SULF1: variants seen among roughly 807,000 people sequenced by gnomAD.
The protein encoded by SULF1 is extracellular sulfatase Sulf-1.
A neutral mutation model predicts 110.5 loss-of-function variants in SULF1; 46 were observed. The ratio of observed to expected loss-of-function variants is 0.42; its 90% confidence interval spans 0.33 to 0.53. SULF1 has a LOEUF of 0.53. Ranked by LOEUF, SULF1 falls within the 20% of genes least tolerant of loss-of-function variation. The pLI is 0.12. For missense variants in SULF1, 941 were observed against 1,094.2 expected (o/e 0.86, Z 1.98); for synonymous variants, 371 against 387.1 (o/e 0.96, Z 0.49).
intron 3 of SULF1, among the ~76,000 whole-genome samples, chr8:69,549,304 T>G (rs527633964): frequency 6.6e-6 from 1 of 152,294 alleles, no homozygotes; most frequent in East Asian, 1.9e-4. Context: ...TATTTTATTT[T>G]TATTTGCTTG....
intron 21 of SULF1, among the ~76,000 whole-genome samples, 169 bp downstream of exon 21, chr8:69,639,027 G>C (rs1811264211): frequency 6.6e-6 from 1 of 152,160 alleles, no homozygotes; most frequent in African/African-American, 2.4e-5. Context: ...TTTAGCTCTG[G>C]TGTACTAATG....
chr8:69,475,196 T>C (rs1031919881), intron 1 of SULF1, among the ~76,000 whole-genome samples: 1 of 152,162 alleles, frequency 6.6e-6, no homozygotes, highest in African/African-American at 2.4e-5. Flanking sequence ...AAGCATTTCA[T>C]GTCATAGCTA....
intron 22 of SULF1, among the ~76,000 whole-genome samples, chr8:69,657,476 G>T (rs769204656): frequency 2.6e-5 from 4 of 152,196 alleles, no homozygotes; most frequent in Non-Finnish European, 4.4e-5. Context: ...TTATGCAAAA[G>T]ATTGACGTTC....
intron 3 of SULF1, among the ~76,000 whole-genome samples, chr8:69,512,000 A>C (rs1425961564): frequency 6.6e-6 from 1 of 152,298 alleles, no homozygotes; most frequent in East Asian, 1.9e-4. Context: ...AAATTCCTAG[A>C]GAATGATGAA....
intron 5 of SULF1, among the ~76,000 whole-genome samples, chr8:69,568,195 C>T (rs1214420866): frequency 6.6e-6 from 1 of 152,114 alleles, no homozygotes; most frequent in Non-Finnish European, 1.5e-5. Context: ...GCTACTGTGC[C>T]TCCAAAAAGA....
intron 12 of SULF1, 148 bp from the exon 13 acceptor site, chr8:69,604,655 A>G (rs1808080635): frequency 1.1e-6 from 1 of 917,164 alleles, no homozygotes; most frequent in African/African-American, 1.7e-5. Context: ...CAAATGTTGA[A>G]CTCCTGTAGA....
At chr8:69,627,120 T>A (rs1038128422) in intron 15 of SULF1, 90 bp from the exon 16 acceptor site, 21 of 978,708 alleles carry the variant, frequency 2.1e-5, no homozygotes, top group Non-Finnish European at 3.3e-5. Flanking sequence ...CATTAAGGAT[T>A]TTGAGGATTA....
At chr8:69,579,564 C>CAAAAAAAAAAAA (rs1416643898) in intron 6 of SULF1, among the ~76,000 whole-genome samples, 1 of 105,096 alleles carries the variant, frequency 9.5e-6, no homozygotes, top group Non-Finnish European at 2.0e-5. Context: ...CACACACACA[C>CAAAAAAAAAAAA]AAAAAAAAAA....
chr8:69,627,566 G>A, intron 16 of SULF1, among the ~76,000 whole-genome samples: 1 of 152,182 alleles, frequency 6.6e-6, no homozygotes. Context: ...TTATAAAAGA[G>A]GAATCTGCTA....
intron 3 of SULF1, among the ~76,000 whole-genome samples, chr8:69,521,371 T>C (rs1812285452): frequency 6.6e-6 from 1 of 152,158 alleles, no homozygotes; most frequent in Non-Finnish European, 1.5e-5. Context: ...ATACGTAGTA[T>C]ATTTGTACTA....
chr8:69,624,014 A>G lies in SULF1; in HGVS notation c.1667A>G (p.Asp556Gly). 1.9e-6 allele frequency: 3 copies of G among 1,614,216 alleles called. No homozygotes were observed. Among genetic ancestry groups the G allele is most frequent in the Middle Eastern group, 1.6e-4 (1 of 6,062 alleles). ...GTCGAATTTGAAGGTGAAATATATG[A>G]CATAAATCTGGAAGAAGAAGAAGAA... ...LSVEFEGEIYDINLEEEEELQ... is the reference protein window; with the variant it reads ...LSVEFEGEIYGINLEEEEELQ... Residue 556 changes from aspartate to glycine, a missense_variant, in exon 15 of 23, where the codon GAC becomes GGC. Transcript: ENST00000402687.
chr8:69,625,057 C>T (rs1406310943), intron 15 of SULF1, among the ~76,000 whole-genome samples: 3 of 152,184 alleles, frequency 2.0e-5, no homozygotes, highest in Non-Finnish European at 4.4e-5. Context: ...ACATTATTAA[C>T]CCCACATCCC....
At chr8:69,521,382 T>C (rs1243744574) in intron 3 of SULF1, among the ~76,000 whole-genome samples, 3 of 152,168 alleles carry the variant, frequency 2.0e-5, no homozygotes, top group East Asian at 3.9e-4. Flanking sequence ...ATTTGTACTA[T>C]GAAACAAAAG....
chr8:69,649,113 C>T (rs1242553874), intron 22 of SULF1, among the ~76,000 whole-genome samples: 3 of 152,208 alleles, frequency 2.0e-5, no homozygotes, highest in Admixed American at 1.3e-4. Context: ...GAGCTGAAGA[C>T]AGGCAGAAAC....
intron 3 of SULF1, among the ~76,000 whole-genome samples, chr8:69,557,884 A>G (rs1191375353): frequency 6.6e-6 from 1 of 152,206 alleles, no homozygotes; most frequent in Non-Finnish European, 1.5e-5. Flanking sequence ...TACACTTTTC[A>G]GCTGTCATTG....
intron 2 of SULF1, among the ~76,000 whole-genome samples, chr8:69,496,685 G>T (rs1810382192): frequency 6.6e-6 from 1 of 152,140 alleles, no homozygotes; most frequent in African/African-American, 2.4e-5. Flanking sequence ...CCACATTTAG[G>T]TTACTCAAGC....
intron 13 of SULF1, among the ~76,000 whole-genome samples, chr8:69,613,621 G>C (rs150635795): frequency 1.4e-3 from 220 of 152,142 alleles, no homozygotes; most frequent in African/African-American, 5.1e-3. Flanking sequence ...AAAATAACTT[G>C]ACCAAAGTCA....
chr8:69,603,087 T>C, intron 10 of SULF1, 105 bp from the exon 11 acceptor site: 1 of 1,492,702 alleles, frequency 6.7e-7, no homozygotes, highest in South Asian at 1.2e-5. Context: ...GATGAGAGGG[T>C]GAGAAGAGTT....
chr8:69,507,363 A>C (rs926562709), intron 3 of SULF1, among the ~76,000 whole-genome samples: 17 of 152,328 alleles, frequency 1.1e-4, no homozygotes, highest in African/African-American at 3.8e-4. Context: ...AATTCCACTT[A>C]CAGAGGAAGC....
Sources: allele counts gnomAD v4.1 joint callset (sites outside exome capture counted in the v4.1 genomes callset), GRCh38; gene constraint gnomAD v4.1.1; transcripts MANE v1.5; gene names NCBI Gene and HGNC (gene_info 2026-07-23, HGNC 2026-07-21).